The following MYOM1 variants were observed in gnomAD, a reference collection of about 807,000 sequenced individuals.
The protein encoded by MYOM1 is myomesin-1.
A neutral mutation model predicts 205.3 loss-of-function variants in MYOM1; 164 were observed. That is an observed-to-expected ratio of 0.80 (90% confidence interval 0.70 to 0.91). The LOEUF (loss-of-function observed/expected upper bound fraction) is 0.91. Ranked by LOEUF, MYOM1 falls within the 40% of genes least tolerant of loss-of-function variation. MYOM1 has a pLI of 0.00. For synonymous variants in MYOM1, 772 were observed against 789.4 expected (o/e 0.98, Z 0.37); for missense variants, 2,011 against 2,127.3 (o/e 0.95, Z 1.08).
intron 25 of MYOM1, among the ~76,000 whole-genome samples, chr18:3,098,371 G>A (rs774350430): frequency 1.3e-5 from 2 of 151,968 alleles, no homozygotes; most frequent in Non-Finnish European, 1.5e-5. Flanking sequence ...TTCGCCTCCC[G>A]GGTTCAAGCA....
chr18:3,072,682 G>A (rs565385680), intron 36 of MYOM1, among the ~76,000 whole-genome samples: 41 of 139,234 alleles, frequency 2.9e-4, no homozygotes, highest in East Asian at 2.6e-3. Flanking sequence ...CTTCTTCACC[G>A]TCATATTGTG....
the MYOM1 span, among the ~76,000 whole-genome samples, chr18:3,244,264 A>G: frequency 6.6e-6 from 1 of 152,212 alleles, no homozygotes; most frequent in Non-Finnish European, 1.5e-5. Flanking sequence ...AACCACTGCA[A>G]TAGTGGATCA....
chr18:3,092,733 A>G (rs908362345), intron 26 of MYOM1, among the ~76,000 whole-genome samples: 2 of 152,224 alleles, frequency 1.3e-5, no homozygotes, highest in African/African-American at 4.8e-5. Flanking sequence ...CCTCACCTGC[A>G]GGAAGTCAGT....
At chr18:3,232,198 C>T in the MYOM1 span, among the ~76,000 whole-genome samples, 2 of 151,732 alleles carry the variant, frequency 1.3e-5, no homozygotes, top group Non-Finnish European at 2.9e-5. Context: ...GGTGTTGTGG[C>T]ACACTCCTGT....
chr18:3,076,743 G>A (rs1189779709), intron 34 of MYOM1, among the ~76,000 whole-genome samples: 6 of 148,288 alleles, frequency 4.0e-5, no homozygotes, highest in Non-Finnish European at 8.9e-5. Context: ...TTTTTGAGAC[G>A]GAGTTCTGTC....
chr18:3,116,666 T>C (rs2079611237), intron 20 of MYOM1, among the ~76,000 whole-genome samples, 151 bp from the exon 21 acceptor site: 1 of 152,192 alleles, frequency 6.6e-6, no homozygotes, highest in Non-Finnish European at 1.5e-5. Flanking sequence ...TATTCTGTGG[T>C]CATTTCACAA....
chr18:3,181,732 ATTT>A (rs11448786), intron 5 of MYOM1, among the ~76,000 whole-genome samples: 3 of 127,072 alleles, frequency 2.4e-5, no homozygotes, highest in African/African-American at 3.0e-5. Flanking sequence ...AAACTGAATA[ATTT>A]TTTTTTTTTT....
At chr18:3,201,835 G>T (rs1333376739) in intron 2 of MYOM1, among the ~76,000 whole-genome samples, 1 of 151,824 alleles carries the variant, frequency 6.6e-6, no homozygotes, top group Non-Finnish European at 1.5e-5. Flanking sequence ...GTAGAACTGG[G>T]ATTTCACCAT....
At chr18:3,083,651 G>C (rs1235467644) in intron 33 of MYOM1, 138 bp downstream of exon 33, 2 of 444,196 alleles carry the variant, frequency 4.5e-6, no homozygotes, top group African/African-American at 4.6e-5. Flanking sequence ...TCACCATGTT[G>C]GCCAGGCTGG....
At chr18:3,102,763 C>G in intron 22 of MYOM1, 133 bp from the exon 23 acceptor site, 1 of 847,386 alleles carries the variant, frequency 1.2e-6, no homozygotes, top group Non-Finnish European at 1.8e-6. Context: ...CTTCACTACT[C>G]ATGCAGGTGG....
intron 2 of MYOM1, among the ~76,000 whole-genome samples, chr18:3,213,057 C>T (rs1434518905): frequency 2.0e-5 from 3 of 152,192 alleles, no homozygotes; most frequent in Non-Finnish European, 4.4e-5. Flanking sequence ...CTCTGTTACT[C>T]AACCCAGCAG....
chr18:3,082,401 C>T (rs2079094751), intron 33 of MYOM1, among the ~76,000 whole-genome samples: 1 of 152,214 alleles, frequency 6.6e-6, no homozygotes, highest in Non-Finnish European at 1.5e-5. Flanking sequence ...AGCCCTAGCT[C>T]CCTCATCCCT....
rs775600000 is a variant in MYOM1, at chr18:3,100,141, T to A, written c.3727+18A>T. The A allele has an allele frequency of 3.1e-6, 5 of 1,613,518 alleles. No individual in the cohort carries two copies. The highest frequency in any genetic ancestry group is 4.2e-6 in the Non-Finnish European group (5 of 1,179,776). On this transcript the variant is annotated intron_variant, in intron 25 of 37. Transcript: ENST00000356443. The stretch of plus-strand genomic sequence containing the variant: ...AGTAAGACTGCTAAAAACCTGTGAA[T>A]GTATTGTGGATACTTACTTGGGAAC...
chr18:3,187,606 A>C lies in MYOM1; in HGVS notation c.803T>G (p.Leu268Arg). Residue 268 changes from leucine to arginine, a missense_variant, in exon 5 of 38, where the codon CTG (leucine) becomes CGG (arginine). Transcript: ENST00000356443. Reference sequence around the variant, plus strand: ...AGCATGGAGAAGATGGTCTTCATTCAGCTTGGCATGATATGTCTCGGTTTC... The same window carrying C: ...AGCATGGAGAAGATGGTCTTCATTCCGCTTGGCATGATATGTCTCGGTTTC... ...LEETETYHAKLNEDHLLHAPE... is the reference protein window; with the variant it reads ...LEETETYHAKRNEDHLLHAPE... The C allele has an allele frequency of 6.2e-7, 1 of 1,611,616 alleles. No homozygotes were observed. Among genetic ancestry groups the C allele is most frequent in the Non-Finnish European group, 8.5e-7 (1 of 1,178,040 alleles).
At chr18:3,137,600 T>C (rs951337765) in intron 14 of MYOM1, among the ~76,000 whole-genome samples, 3 of 152,180 alleles carry the variant, frequency 2.0e-5, no homozygotes, top group African/African-American at 7.2e-5. Context: ...CATTCATATA[T>C]GGGAGCTAAA....
upstream of MYOM1, among the ~76,000 whole-genome samples, chr18:3,221,494 C>T (rs558979562): frequency 2.0e-5 from 3 of 152,290 alleles, no homozygotes; most frequent in African/African-American, 4.8e-5. Flanking sequence ...TTCATTACCC[C>T]GTTGAGGAAA....
intron 13 of MYOM1, 35 bp downstream of exon 13, chr18:3,149,110 T>C (rs1046379201): frequency 1.0e-5 from 16 of 1,596,496 alleles, no homozygotes; most frequent in Non-Finnish European, 1.4e-5. Context: ...TAGCAAAACA[T>C]CAGCAATAGT....
rs2143821283 is a variant in MYOM1 at position 3,117,178 on chromosome 18, A to G, written c.3119-663T>C. Reference sequence around the variant, plus strand: ...GGCACCCAGTTTCAGATAATTTTTGAGTGACAGCCTAAAATTTCCCCTTAA... The same window carrying G: ...GGCACCCAGTTTCAGATAATTTTTGGGTGACAGCCTAAAATTTCCCCTTAA... On this transcript the variant is annotated intron_variant, in intron 20 of 37. Coordinates refer to ENST00000356443, the MANE Select transcript of MYOM1 (RefSeq NM_003803.4). Among the ~76,000 whole-genome samples the G allele has an allele frequency of 2.0e-5, 3 of 152,278 alleles. No homozygotes were observed. The South Asian group carries it at 6.2e-4, about 32-fold the overall frequency.
At chr18:3,074,333 GGTTCAAA>G (rs1186088426) in intron 36 of MYOM1, among the ~76,000 whole-genome samples, 7 of 152,286 alleles carry the variant, frequency 4.6e-5, no homozygotes, top group Admixed American at 4.6e-4. Context: ...GCAAGTTTCA[GGTTCAAA>G]GTTCAAAGTT....
Sources: gnomAD v4.1 joint callset for allele counts (sites outside exome capture counted in the v4.1 genomes callset) on GRCh38, gnomAD v4.1.1 for gene constraint, MANE v1.5 for transcripts, NCBI Gene and HGNC (gene_info 2026-07-23, HGNC 2026-07-21) for gene names.